The following SFRP1 variants were observed in gnomAD, a reference collection of about 807,000 sequenced individuals.
SFRP1 encodes the protein secreted frizzled related protein 1, also known as secreted frizzled-related protein 1.
Under a neutral mutation model 25.9 loss-of-function variants are expected in SFRP1, and 9 were observed. The observed-to-expected ratio is 0.35, with a 90% CI of 0.21 to 0.61. The LOEUF (loss-of-function observed/expected upper bound fraction) is 0.61, where lower values mean the gene tolerates loss of function less well. SFRP1 is among the 20% of genes least tolerant of loss of function. The probability of loss-of-function intolerance (pLI) is 0.78; values close to 1 mark genes in which losing one functional copy is unlikely to be tolerated. For synonymous variants in SFRP1, 178 were observed against 174.0 expected (o/e 1.02, Z -0.18); for missense variants, 346 against 418.2 (o/e 0.83, Z 1.51).
intron 2 of SFRP1, among the ~76,000 whole-genome samples, chr8:41,303,049 T>C (rs1314903967): frequency 1.8e-5 from 2 of 111,598 alleles, no homozygotes; most frequent in African/African-American, 7.3e-5. Flanking sequence ...TAGGGGTAGA[T>C]GTTAAAAAAA....
At chr8:41,303,612 C>A (rs1311187759) in intron 1 of SFRP1, 74 bp from the exon 2 acceptor site, 1 of 1,221,668 alleles carries the variant, frequency 8.2e-7, no homozygotes, top group Non-Finnish European at 1.2e-6. Flanking sequence ...GGGAAAAGAT[C>A]GGCCCTGGGT....
chr8:41,292,013 T>C (rs1261811425), intron 2 of SFRP1, among the ~76,000 whole-genome samples: 1 of 152,092 alleles, frequency 6.6e-6, no homozygotes, highest in Non-Finnish European at 1.5e-5. Context: ...CACCAGCTCC[T>C]ACGTGGCCAG....
At chr8:41,268,781 G>A (rs1338667008) in intron 2 of SFRP1, among the ~76,000 whole-genome samples, 4 of 152,192 alleles carry the variant, frequency 2.6e-5, no homozygotes, top group Non-Finnish European at 5.9e-5. Context: ...TCCCGGGGCT[G>A]CTGGGGCGAG....
chr8:41,288,175 TGG>T, intron 2 of SFRP1, among the ~76,000 whole-genome samples: 2 of 152,102 alleles, frequency 1.3e-5, no homozygotes, highest in Middle Eastern at 6.8e-3. Context: ...CTGGACAACA[TGG>T]TGAAACCCTG....
At chr8:41,276,392 C>T (rs1803572548) in intron 2 of SFRP1, among the ~76,000 whole-genome samples, 1 of 152,230 alleles carries the variant, frequency 6.6e-6, no homozygotes, top group South Asian at 2.1e-4. Context: ...GAGTTCTGGG[C>T]ACCATGGCGA....
intron 2 of SFRP1, among the ~76,000 whole-genome samples, chr8:41,283,337 G>A (rs909120739): frequency 1.3e-5 from 2 of 152,056 alleles, no homozygotes; most frequent in African/African-American, 2.4e-5. Context: ...CTTGTCCTGC[G>A]AATAGGTCAC....
chr8:41,280,980 C>A (rs191813234), intron 2 of SFRP1, among the ~76,000 whole-genome samples: 1 of 152,234 alleles, frequency 6.6e-6, no homozygotes, highest in Non-Finnish European at 1.5e-5. Flanking sequence ...CTCCAGGGAC[C>A]GTGCTTCTCT....
At chr8:41,288,431 G>A (rs974609278) in intron 2 of SFRP1, among the ~76,000 whole-genome samples, 1 of 148,992 alleles carries the variant, frequency 6.7e-6, no homozygotes, top group Non-Finnish European at 1.5e-5. Flanking sequence ...CCTGTACTTG[G>A]GAGACTGAGG....
rs1364347948 is a variant in SFRP1 at position 41,309,449 on chromosome 8, C to G, written c.-290G>C. On this transcript the variant is annotated 5_prime_UTR_variant, in exon 1 of 3. Coordinates refer to ENST00000220772, the MANE Select transcript of SFRP1 (RefSeq NM_003012.5). The stretch of plus-strand genomic sequence containing the variant: ...GGCGGCGGGCGCGCGGCACTGACTC[C>G]GGAGGCTGCAGGGCTGGAGTGCGCG... 3 of 155,410 alleles carry G rather than the reference C, an allele frequency of 1.9e-5. No homozygotes were observed. Among genetic ancestry groups the G allele is most frequent in the Non-Finnish European group, 2.8e-5 (2 of 70,556 alleles). The allele number at this position is 155,410 out of a possible 1,614,324, so 9.6% of individuals were successfully genotyped here.
In SFRP1 at chr8:41,285,561, G is replaced by A. The variant is rs542778919; in HGVS notation, c.622+17900C>T. Among the ~76,000 whole-genome samples the A allele has an allele frequency of 5.0e-4, 76 of 152,258 alleles. No individual in the cohort carries two copies. The East Asian group carries it at 0.015, about 29-fold the overall frequency. ...GATAAGTCGTTTCCTAAAAAGAAATGCGGCTGCAGTAAGGCAGGAAAGCCG... is the reference window on the plus strand; with the variant it reads ...GATAAGTCGTTTCCTAAAAAGAAATACGGCTGCAGTAAGGCAGGAAAGCCG... On this transcript the variant is annotated intron_variant, in intron 2 of 2. Coordinates refer to ENST00000220772, the MANE Select transcript of SFRP1 (RefSeq NM_003012.5).
intron 2 of SFRP1, among the ~76,000 whole-genome samples, chr8:41,285,611 C>T (rs975147855): frequency 1.8e-4 from 28 of 152,172 alleles, no homozygotes; most frequent in Admixed American, 8.5e-4. Flanking sequence ...TGAGGCCAGC[C>T]CACCTGGCCT....
At chr8:41,307,640 C>G (rs1373552573) in intron 1 of SFRP1, among the ~76,000 whole-genome samples, 2 of 152,226 alleles carry the variant, frequency 1.3e-5, no homozygotes, top group African/African-American at 2.4e-5. Flanking sequence ...CTAAAGAATT[C>G]TGGGTTGAAT....
intron 2 of SFRP1, among the ~76,000 whole-genome samples, chr8:41,268,181 G>A (rs1331642022): frequency 6.6e-6 from 1 of 152,216 alleles, no homozygotes; most frequent in Non-Finnish European, 1.5e-5. Flanking sequence ...AATGGGATAT[G>A]TCTATCTACG....
chr8:41,296,509 A>G (rs948899950), intron 2 of SFRP1, among the ~76,000 whole-genome samples: 2 of 151,810 alleles, frequency 1.3e-5, no homozygotes, highest in African/African-American at 4.8e-5. Context: ...TCTTCTGGAA[A>G]AAAAAAAAAA....
intron 2 of SFRP1, among the ~76,000 whole-genome samples, chr8:41,301,282 A>G (rs1803912851): frequency 6.6e-6 from 1 of 152,200 alleles, no homozygotes; most frequent in Admixed American, 6.5e-5. Flanking sequence ...GCTGTGTGTC[A>G]GCTTGCATTG....
intron 2 of SFRP1, among the ~76,000 whole-genome samples, chr8:41,285,914 G>A (rs554786267): frequency 1.2e-4 from 18 of 152,238 alleles, no homozygotes; most frequent in African/African-American, 3.6e-4. Flanking sequence ...TGTTCTCTGC[G>A]GAGTTTTGGG....
chr8:41,303,558 G>C lies in SFRP1; in HGVS notation c.545-20C>G. The C allele has an allele frequency of 6.3e-7, 1 of 1,598,836 alleles. No individual in the cohort carries two copies. The highest frequency in any genetic ancestry group is 8.6e-7 in the Non-Finnish European group (1 of 1,166,140). On this transcript the variant is annotated intron_variant, in intron 1 of 2. Transcript: ENST00000220772. ...TTGTGCCTGGGAAAGGAAGTAGGGA[G>C]AAACGGAACTGTAAGTTACAGAGCA...
intron 2 of SFRP1, among the ~76,000 whole-genome samples, chr8:41,303,014 T>C (rs1464829961): frequency 1.5e-5 from 2 of 134,100 alleles, no homozygotes; most frequent in African/African-American, 5.8e-5. Context: ...GCCATTTAAA[T>C]CCTGGACAGA....
intron 2 of SFRP1, among the ~76,000 whole-genome samples, chr8:41,290,828 T>C (rs371595676): frequency 6.7e-6 from 1 of 149,416 alleles, no homozygotes; most frequent in African/African-American, 2.5e-5. Context: ...AGTTCTGCCA[T>C]TAGGACTTCA....
Sources: gnomAD v4.1 joint callset for allele counts (sites outside exome capture counted in the v4.1 genomes callset) on GRCh38, gnomAD v4.1.1 for gene constraint, MANE v1.5 for transcripts, NCBI Gene and HGNC (gene_info 2026-07-23, HGNC 2026-07-21) for gene names.